The following TNC variants were observed in gnomAD, a reference collection of about 807,000 sequenced individuals.
TNC encodes tenascin.
Under a neutral mutation model 202.4 loss-of-function variants are expected in TNC, and 109 were observed. The observed-to-expected ratio is 0.54, with a 90% CI of 0.46 to 0.63. The LOEUF (loss-of-function observed/expected upper bound fraction) is 0.63. TNC is among the 30% of genes least tolerant of loss of function. TNC has a pLI of 0.00. For synonymous variants in TNC, 1,007 were observed against 1,089.7 expected (o/e 0.92, Z 1.50); for missense variants, 2,756 against 2,833.3 (o/e 0.97, Z 0.62).
rs981512769 is a variant in TNC, at chr9:115,042,314, A to C, written c.5153T>G (p.Phe1718Cys). 1 of 1,614,134 alleles carries C rather than the reference A, an allele frequency of 6.2e-7. No individual in the cohort carries two copies. Residue 1718 changes from phenylalanine (F) to cysteine (C), a missense_variant, in exon 18 of 28, where the codon TTC becomes TGC. This residue lies in a region of TNC where 2,559 missense variants were observed against 2,546.0 expected (regional missense o/e 1.01). Coordinates refer to ENST00000350763, the MANE Select transcript of TNC (RefSeq NM_002160.4). Reference protein sequence around the residue: ...TAMGSPKEVIFSDITENSATV... With the variant: ...TAMGSPKEVICSDITENSATV... Reference sequence around the variant, plus strand: ...AGCCGAATTTTCAGTGATGTCTGAGAAAATGACTTCCTTTGGGGAGCCCAT... The same window carrying C: ...AGCCGAATTTTCAGTGATGTCTGAGCAAATGACTTCCTTTGGGGAGCCCAT...
At position 115,073,638 on chromosome 9, in the gene TNC, T is replaced by A. The variant is rs1700202302; in HGVS notation, c.3179A>T (p.His1060Leu). 1 of 1,614,156 alleles carries A rather than the reference T, an allele frequency of 6.2e-7. No individual in the cohort carries two copies. Among genetic ancestry groups the A allele is most frequent in the Non-Finnish European group, 8.5e-7 (1 of 1,180,018 alleles). Residue 1060 changes from histidine (H) to leucine (L), a missense_variant, in exon 10 of 28, where the codon CAC becomes CTC. His to Leu is a moderately conservative substitution (Grantham distance 99). This residue lies in a region of TNC where 2,559 missense variants were observed against 2,546.0 expected (regional missense o/e 1.01). Transcript: ENST00000350763. Reference sequence around the variant, plus strand: ...CTTCACACGTGCGGGCTTGCTCTTGTGTCTGCCTTTCTCGGCTGTCAGGAG... The same window carrying A: ...CTTCACACGTGCGGGCTTGCTCTTGAGTCTGCCTTTCTCGGCTGTCAGGAG... Reference protein sequence around the residue: ...NVLLTAEKGRHKSKPARVKAS... With the variant: ...NVLLTAEKGRLKSKPARVKAS...
chr9:115,079,181 T>G (rs1834109152), intron 6 of TNC, among the ~76,000 whole-genome samples: 1 of 152,106 alleles, frequency 6.6e-6, no homozygotes, highest in African/African-American at 2.4e-5. Flanking sequence ...ACAGGCATAT[T>G]CTGGGTATTC....
At position 115,091,079 on chromosome 9, in the gene TNC, C is replaced by A; in HGVS notation, c.-61G>T. ...CTAGGGCTCTAGGGTATCTCACTTT[C>A]AGCAGAATTGGGGATTTAGAAGCAC... is the stretch of plus-strand genomic sequence containing the variant. On this transcript the variant is annotated 5_prime_UTR_variant, in exon 2 of 28. Coordinates refer to ENST00000350763, the MANE Select transcript of TNC (RefSeq NM_002160.4). The A allele has an allele frequency of 7.2e-7, 1 of 1,382,338 alleles. No homozygotes were observed. Among genetic ancestry groups the A allele is most frequent in the Non-Finnish European group, 1.0e-6 (1 of 997,350 alleles). 85.6% of individuals were successfully genotyped at this position (1,382,338 alleles called of 1,614,324 possible). A position where few individuals can be genotyped will look rare whatever the true frequency, so the allele number is the denominator to read the frequency against.
At chr9:115,050,763 C>T (rs979370140) in intron 15 of TNC, among the ~76,000 whole-genome samples, 7 of 152,120 alleles carry the variant, frequency 4.6e-5, no homozygotes, top group African/African-American at 1.7e-4. Flanking sequence ...TTAAATTTCA[C>T]CAACTCTATT....
At chr9:115,077,680 C>T (rs544224976) in intron 7 of TNC, among the ~76,000 whole-genome samples, 1 of 152,272 alleles carries the variant, frequency 6.6e-6, no homozygotes, top group East Asian at 1.9e-4. Context: ...TTTATTTTAA[C>T]CAGAACTTTT....
At chr9:115,077,893 T>G (rs1176813175) in intron 7 of TNC, 50 bp downstream of exon 7, 1 of 1,556,784 alleles carries the variant, frequency 6.4e-7, no homozygotes. Context: ...GGGATGGAAA[T>G]CTTTCAATCT....
intron 2 of TNC, among the ~76,000 whole-genome samples, chr9:115,089,726 C>T (rs187823627): frequency 1.9e-3 from 287 of 152,286 alleles, no homozygotes; most frequent in African/African-American, 6.8e-3. Flanking sequence ...TCTTGAACTC[C>T]TAACTTCAGG....
At chr9:115,047,801 A>G (rs183373289) in intron 16 of TNC, among the ~76,000 whole-genome samples, 1 of 152,308 alleles carries the variant, frequency 6.6e-6, no homozygotes, top group Non-Finnish European at 1.5e-5. Context: ...CGATAAAATA[A>G]GTTCACATTT....
intron 1 of TNC, among the ~76,000 whole-genome samples, chr9:115,096,658 A>C (rs976667061): frequency 2.6e-5 from 4 of 152,216 alleles, no homozygotes; most frequent in Non-Finnish European, 5.9e-5. Context: ...CTTTTTAGCA[A>C]CTAACTCACT....
chr9:115,090,821 C>G lies in TNC; in HGVS notation c.198G>C (p.Val66=), dbSNP rs1197228691. Residue 66 remains valine (V), a synonymous_variant, in exon 2 of 28, where the codon GTG becomes GTC. Coordinates refer to ENST00000350763, the MANE Select transcript of TNC (RefSeq NM_002160.4). ...TCTCCCCACTGGCTGACTCCAGATC[C>G]ACCGAACACTGGGATCCCACTGGCA... is the stretch of plus-strand genomic sequence containing the variant. ...IKLPVGSQCS[V]DLESASGEKD... is the part of the protein sequence containing the mutation. The G allele has an allele frequency of 9.9e-6, 16 of 1,614,072 alleles. No homozygotes were observed. The highest frequency in any genetic ancestry group is 1.3e-5 in the African/African-American group (1 of 74,926).
At position 115,087,064 on chromosome 9, in the gene TNC, T is replaced by C. The variant is rs1834815227; in HGVS notation, c.667A>G (p.Ser223Gly). The C allele has an allele frequency of 6.2e-7, 1 of 1,613,548 alleles. No homozygotes were observed. The highest frequency in any genetic ancestry group is 8.5e-7 in the Non-Finnish European group (1 of 1,179,562). Residue 223 changes from serine to glycine, a missense_variant, in exon 3 of 28, where the codon AGC becomes GGC. By Grantham distance (56) the Ser-to-Gly change is moderately conservative. Transcript: ENST00000350763. ...GEDCSQLACP[S>G]DCNDQGKCVN... ...CACTTGCCCTGGTCATTGCAGTCGC[T>C]GGGGCAAGCCAGCTGGCTGCAGTCC...
Position 115,094,203 on chromosome 9 carries a change from T to C in TNC, c.-136-3049A>G, listed in dbSNP as rs543429721. 7.9e-5 allele frequency among the ~76,000 whole-genome samples: 12 copies of C among 152,298 alleles called. No individual in the cohort carries two copies. The South Asian group carries it at 1.5e-3, about 18-fold the overall frequency. On this transcript the variant is annotated intron_variant, in intron 1 of 27. Transcript: ENST00000350763. Reference sequence around the variant, plus strand: ...CATTAAACAGTAGTTCCTATTTTGTTGCGCTCCTGGGGAACAAAACCTAAC... The same window carrying C: ...CATTAAACAGTAGTTCCTATTTTGTCGCGCTCCTGGGGAACAAAACCTAAC...
Position 115,058,466 on chromosome 9 carries a change from AG to A in TNC, c.4307-1042del, listed in dbSNP as rs1258231184. ...ACCCAAGCCACAAGATCTGCAGAAA[AG>A]ATCAGAAGTGGTGGGTGATTACTTT... On this transcript the variant is annotated intron_variant, in intron 14 of 27. Transcript: ENST00000350763. 2.0e-5 allele frequency among the ~76,000 whole-genome samples: 3 copies of A among 152,358 alleles called. No individual in the cohort carries two copies. In the East Asian group the frequency reaches 5.8e-4, roughly 29 times the overall value.
chr9:115,026,726 G>C, intron 25 of TNC, 31 bp from the exon 26 acceptor site: 1 of 1,610,044 alleles, frequency 6.2e-7, no homozygotes. Context: ...TTGCTAAGAA[G>C]CACAGGTGAC....
chr9:115,085,837 T>C (rs773536829), intron 3 of TNC, 27 bp downstream of exon 3: 1 of 1,576,768 alleles, frequency 6.3e-7, no homozygotes. Context: ...ATGGCCATTA[T>C]ATGCTGGTCT....
intron 10 of TNC, 137 bp from the exon 11 acceptor site, chr9:115,065,056 C>T (rs1588106150): frequency 3.3e-6 from 3 of 909,472 alleles, no homozygotes; most frequent in East Asian, 5.0e-5. Flanking sequence ...ACTGCATCCC[C>T]TACTGGTGCT....
chr9:115,074,610 T>C (rs979867207), intron 9 of TNC, among the ~76,000 whole-genome samples: 1 of 152,200 alleles, frequency 6.6e-6, no homozygotes, highest in African/African-American at 2.4e-5. Flanking sequence ...TTCCTTGAAA[T>C]GGCAAAATCA....
Position 115,089,210 on chromosome 9 carries a change from C to T in TNC, c.457+1352G>A, listed in dbSNP as rs58033421. ...AAACCTAGAGCCTGTCCTGCAGAGC[C>T]GTAAGACTATTTCACTTAGGGTGGT... On this transcript the variant is annotated intron_variant, in intron 2 of 27. Coordinates refer to ENST00000350763, the MANE Select transcript of TNC (RefSeq NM_002160.4). Among the ~76,000 whole-genome samples the T allele has an allele frequency of 0.026, 3,917 of 152,206 alleles. 417 individuals carry two copies. The East Asian group carries it at 0.38, about 15-fold the overall frequency.
chr9:115,107,866 T>A (rs1836735432), intron 1 of TNC, among the ~76,000 whole-genome samples: 2 of 152,334 alleles, frequency 1.3e-5, no homozygotes, highest in South Asian at 2.1e-4. Context: ...TGTGCACATG[T>A]AAGCACCAAA....
Sources: allele counts gnomAD v4.1 joint callset (sites outside exome capture counted in the v4.1 genomes callset), GRCh38; gene constraint gnomAD v4.1.1; regional missense constraint gnomAD v4.1.1; transcripts MANE v1.5; gene names NCBI Gene and HGNC (gene_info 2026-07-23, HGNC 2026-07-21).